Variants in GOLGA7 observed in about 807,000 individuals in gnomAD.
GOLGA7 encodes golgin subfamily A member 7.
GOLGA7 carries 10 observed loss-of-function variants against 21.1 expected under a neutral mutation model. The ratio of observed to expected loss-of-function variants is 0.47; its 90% CI spans 0.29 to 0.80. The LOEUF (loss-of-function observed/expected upper bound fraction) is 0.80, where lower values mean the gene tolerates loss of function less well. GOLGA7 is among the 30% of genes least tolerant of loss of function. GOLGA7 has a pLI of 0.08. For synonymous variants in GOLGA7, 64 were observed against 62.6 expected (o/e 1.02, Z -0.10); for missense variants, 114 against 166.8 (o/e 0.68, Z 1.74).
At chr8:41,492,529 G>A (rs953145917) in intron 1 of GOLGA7, among the ~76,000 whole-genome samples, 63 of 152,148 alleles carry the variant, frequency 4.1e-4, no homozygotes, top group African/African-American at 1.5e-3. Flanking sequence ...AGGCATGGTG[G>A]CGGGCACCTG....
rs192423082 is a variant in GOLGA7 at position 41,508,381 on chromosome 8, C to T, written c.*16-1203C>T. 7.9e-5 allele frequency among the ~76,000 whole-genome samples: 12 copies of T among 152,306 alleles called. No homozygotes were observed. In the East Asian group the frequency reaches 2.3e-3, roughly 29 times the overall value. On this transcript the variant is annotated intron_variant, in intron 4 of 4. Coordinates refer to ENST00000357743, the MANE Select transcript of GOLGA7 (RefSeq NM_001002296.2). Reference sequence around the variant, plus strand: ...AATGTGTCACCTGAATTCCTGAAAGCCAAAGATCTAAATCATGATATCTAT... The same window carrying T: ...AATGTGTCACCTGAATTCCTGAAAGTCAAAGATCTAAATCATGATATCTAT...
chr8:41,491,974 A>G (rs1805895346), intron 1 of GOLGA7, among the ~76,000 whole-genome samples: 1 of 152,204 alleles, frequency 6.6e-6, no homozygotes, highest in Non-Finnish European at 1.5e-5. Flanking sequence ...GAGTCTGTGT[A>G]GAGAAATGTG....
chr8:41,503,969 G>A (rs1354375675), intron 2 of GOLGA7, among the ~76,000 whole-genome samples: 1 of 145,394 alleles, frequency 6.9e-6, no homozygotes, highest in East Asian at 1.9e-4. Flanking sequence ...GGGGACTGTG[G>A]TGGGGTCGGG....
intron 3 of GOLGA7, 56 bp from the exon 4 acceptor site, chr8:41,507,003 T>TG (rs1388915137): frequency 1.2e-6 from 1 of 834,994 alleles, no homozygotes; most frequent in Non-Finnish European, 2.1e-6. Context: ...CCTTGCCAAG[T>TG]CCCCCTTTGT....
chr8:41,497,710 G>A lies in GOLGA7; in HGVS notation c.264+49G>A, dbSNP rs558267265. On this transcript the variant is annotated intron_variant, in intron 2 of 4. Coordinates refer to ENST00000357743, the MANE Select transcript of GOLGA7 (RefSeq NM_001002296.2). The stretch of plus-strand genomic sequence containing the variant: ...AAAATCTCTTAAAATCATGAAGAAG[G>A]CAAGTTTATTACACATTGATGCTTA... 58 of 1,001,214 alleles carry A rather than the reference G, an allele frequency of 5.8e-5. 1 individual carries two copies. The South Asian group carries it at 8.1e-4, about 14-fold the overall frequency. The allele number at this position is 1,001,214 out of a possible 1,614,324, so 62.0% of individuals were successfully genotyped here.
At chr8:41,507,276 T>G (rs1022711460) in intron 4 of GOLGA7, among the ~76,000 whole-genome samples, 155 bp downstream of exon 4, 8 of 152,238 alleles carry the variant, frequency 5.3e-5, no homozygotes, top group Non-Finnish European at 1.0e-4. Flanking sequence ...ATTAGCTTGA[T>G]ATTTAAAATG....
intron 1 of GOLGA7, among the ~76,000 whole-genome samples, chr8:41,495,279 T>G (rs1370295532): frequency 6.7e-6 from 1 of 149,706 alleles, no homozygotes; most frequent in African/African-American, 2.5e-5. Flanking sequence ...ATGTTGAGGG[T>G]TTTTTTTCTT....
At chr8:41,504,134 AAACAAAACAAAAC>A (rs1331305369) in intron 2 of GOLGA7, among the ~76,000 whole-genome samples, 9 of 129,366 alleles carry the variant, frequency 7.0e-5, no homozygotes, top group Non-Finnish European at 1.2e-4. Context: ...AAAAAAAAAA[AAACAAAACAAAAC>A]AAAAAAAAAA....
chr8:41,506,416 T>C (rs1156736861), intron 3 of GOLGA7, among the ~76,000 whole-genome samples: 4 of 152,192 alleles, frequency 2.6e-5, no homozygotes, highest in Admixed American at 1.3e-4. Flanking sequence ...TTTATCTGAC[T>C]AGTTGAAATC....
At chr8:41,493,834 T>G (rs186847493) in intron 1 of GOLGA7, among the ~76,000 whole-genome samples, 2 of 152,322 alleles carry the variant, frequency 1.3e-5, no homozygotes, top group East Asian at 3.9e-4. Flanking sequence ...CTCATATATC[T>G]AAATTTTGAT....
intron 2 of GOLGA7, among the ~76,000 whole-genome samples, chr8:41,505,339 C>A (rs1432640092): frequency 6.6e-6 from 1 of 152,162 alleles, no homozygotes. Flanking sequence ...TCAGAAACTC[C>A]CTGGCAGCTA....
At chr8:41,508,590 A>C (rs1193752172) in intron 4 of GOLGA7, among the ~76,000 whole-genome samples, 1 of 152,220 alleles carries the variant, frequency 6.6e-6, no homozygotes, top group African/African-American at 2.4e-5. Context: ...GACTTGGCAC[A>C]GCCCATTTGT....
chr8:41,496,002 T>G (rs6986660), intron 1 of GOLGA7, among the ~76,000 whole-genome samples: 21,608 of 152,256 alleles, frequency 0.14, 1,615 homozygotes, highest in African/African-American at 0.18. Context: ...TTTCAGTTTT[T>G]GGGGTTTTTT....
rs1189886697 is a variant in GOLGA7, at chr8:41,490,607, A to G, written c.-248A>G. 9 of 500,372 alleles carry G rather than the reference A, an allele frequency of 1.8e-5. No homozygotes were observed. Among genetic ancestry groups the G allele is most frequent in the Middle Eastern group, 5.3e-4 (1 of 1,882 alleles). The allele number at this position is 500,372 out of a possible 1,614,324, so 31.0% of individuals were successfully genotyped here. ...GGCGGTGCGACAGCAGCTGGAGGGCAGAGGAGGCGGGTTTGTGTTTCCCGG... is the reference window on the plus strand; with the variant it reads ...GGCGGTGCGACAGCAGCTGGAGGGCGGAGGAGGCGGGTTTGTGTTTCCCGG... On this transcript the variant is annotated 5_prime_UTR_variant, in exon 1 of 5. Transcript: ENST00000357743.
chr8:41,503,005 A>G (rs979535421), intron 2 of GOLGA7, among the ~76,000 whole-genome samples: 2 of 152,302 alleles, frequency 1.3e-5, no homozygotes, highest in South Asian at 2.1e-4. Flanking sequence ...TTCTGCTATT[A>G]AAGAGACTTT....
At chr8:41,507,006 C>T (rs1429461974) in intron 3 of GOLGA7, 53 bp from the exon 4 acceptor site, 4 of 851,554 alleles carry the variant, frequency 4.7e-6, no homozygotes. Flanking sequence ...TGCCAAGTCC[C>T]CCTTTGTGTG....
intron 1 of GOLGA7, among the ~76,000 whole-genome samples, chr8:41,492,896 T>C (rs951953289): frequency 6.6e-6 from 1 of 152,246 alleles, no homozygotes. Context: ...GACATTAGCC[T>C]TCCACTCTGT....
chr8:41,492,602 C>T (rs1805910120), intron 1 of GOLGA7, among the ~76,000 whole-genome samples: 1 of 152,156 alleles, frequency 6.6e-6, no homozygotes, highest in Admixed American at 6.5e-5. Flanking sequence ...GCGGAGGTTG[C>T]AGTGAGCCGA....
At chr8:41,501,975 C>G (rs1806160473) in intron 2 of GOLGA7, among the ~76,000 whole-genome samples, 1 of 152,158 alleles carries the variant, frequency 6.6e-6, no homozygotes, top group African/African-American at 2.4e-5. Flanking sequence ...TAGGTCTAAG[C>G]AAGGCCCCTT....
Sources: gnomAD v4.1 joint callset for allele counts (sites outside exome capture counted in the v4.1 genomes callset) on GRCh38, gnomAD v4.1.1 for gene constraint, MANE v1.5 for transcripts, NCBI Gene and HGNC (gene_info 2026-07-23, HGNC 2026-07-21) for gene names.